Variants in PAPPA2 observed in about 807,000 individuals in gnomAD.
PAPPA2 encodes pappalysin 2.
A neutral mutation model predicts 176.4 loss-of-function variants in PAPPA2; 86 were observed. The ratio of observed to expected loss-of-function variants is 0.49; its 90% CI spans 0.41 to 0.58. The LOEUF is 0.58. Ranked by LOEUF, PAPPA2 falls within the 20% of genes least tolerant of loss-of-function variation. The pLI, the probability that PAPPA2 is intolerant of heterozygous loss-of-function variation, is 0.00. For synonymous variants in PAPPA2, 809 were observed against 852.2 expected (o/e 0.95, Z 0.88); for missense variants, 2,073 against 2,256.9 (o/e 0.92, Z 1.65).
chr1:176,740,174 G>A lies in PAPPA2; in HGVS notation c.4129G>A (p.Gly1377Arg), dbSNP rs868681972. 6.2e-7 allele frequency: 1 copy of A among 1,613,644 alleles called. No homozygotes were observed. Among genetic ancestry groups the A allele is most frequent in the Non-Finnish European group, 8.5e-7 (1 of 1,179,796 alleles). The change falls in exon 14 of 23, where the codon GGG becomes AGG. Residue 1377 changes from glycine to arginine, a missense_variant. Physicochemically the swap from Gly to Arg is moderately radical, Grantham distance 125. Transcript: ENST00000367662. Reference protein sequence around the residue: ...APSNCISEDEGQNHQGQSCIH... With the variant: ...APSNCISEDERQNHQGQSCIH... ...CAGTAACTGCATCTCAGAGGACGAG[G>A]GGCAGAATCATCAGGGACAGAGGTA... is the stretch of plus-strand genomic sequence containing the variant.
chr1:176,707,067 T>A (rs188997360), intron 10 of PAPPA2, among the ~76,000 whole-genome samples: 162 of 152,290 alleles, frequency 1.1e-3, no homozygotes, highest in African/African-American at 3.7e-3. Flanking sequence ...TCTACAACAC[T>A]TTTCCAATTC....
intron 3 of PAPPA2, among the ~76,000 whole-genome samples, chr1:176,623,754 C>CCTTCCTTCCTTCCTTTCTTT (rs1655818323): frequency 2.4e-5 from 1 of 40,976 alleles, no homozygotes; most frequent in Admixed American, 2.4e-4. Flanking sequence ...CTCTTTCCTT[C>CCTTCCTTCCTTCCTTTCTTT]CTTCCTTTCT....
chr1:176,567,504 T>C (rs74127205), intron 2 of PAPPA2, among the ~76,000 whole-genome samples: 3,503 of 152,300 alleles, frequency 0.023, 155 homozygotes, highest in African/African-American at 0.078. Context: ...ATAATTGCTC[T>C]ACATTCTGGG....
At chr1:176,607,733 A>G (rs1573117990) in intron 3 of PAPPA2, among the ~76,000 whole-genome samples, 1 of 152,226 alleles carries the variant, frequency 6.6e-6, no homozygotes, top group South Asian at 2.1e-4. Flanking sequence ...GCATTTGAAT[A>G]GCTGTTTTTT....
At chr1:176,794,820 T>C (rs1453353297) in intron 20 of PAPPA2, among the ~76,000 whole-genome samples, 1 of 152,188 alleles carries the variant, frequency 6.6e-6, no homozygotes, top group Non-Finnish European at 1.5e-5. Flanking sequence ...AGTTTTCAGA[T>C]GGACTTTCTA....
intron 2 of PAPPA2, among the ~76,000 whole-genome samples, chr1:176,564,787 A>G (rs185993624): frequency 1.1e-3 from 163 of 148,922 alleles, no homozygotes; most frequent in African/African-American, 3.9e-3. Context: ...TCACGTGTTT[A>G]AAGTGTACAA....
At chr1:176,704,975 G>A (rs541290038) in intron 9 of PAPPA2, among the ~76,000 whole-genome samples, 87 of 152,136 alleles carry the variant, frequency 5.7e-4, no homozygotes, top group African/African-American at 2.0e-3. Flanking sequence ...GGGCCGCATG[G>A]CACAAGATGA....
chr1:176,535,454 T>C (rs963184873), intron 1 of PAPPA2, among the ~76,000 whole-genome samples: 3 of 152,212 alleles, frequency 2.0e-5, no homozygotes, highest in Non-Finnish European at 4.4e-5. Context: ...TACAGATAAC[T>C]AACTGTACTG....
intron 7 of PAPPA2, 106 bp downstream of exon 7, chr1:176,695,965 TA>T: frequency 8.9e-6 from 11 of 1,232,016 alleles, no homozygotes; most frequent in East Asian, 2.4e-5. Context: ...AATGTATGTG[TA>T]TGTGTGTGTG....
chr1:176,536,258 T>A (rs1401287254), intron 1 of PAPPA2, among the ~76,000 whole-genome samples: 1 of 152,234 alleles, frequency 6.6e-6, no homozygotes, highest in Non-Finnish European at 1.5e-5. Context: ...TATTTTGCCC[T>A]GGACTGCTAG....
Position 176,555,973 on chromosome 1 carries a change from G to T in PAPPA2, c.-350G>T, listed in dbSNP as rs7518682. 4 of 233,956 alleles carry T rather than the reference G, an allele frequency of 1.7e-5. No individual in the cohort carries two copies. Among genetic ancestry groups the T allele is most frequent in the African/African-American group, 9.2e-5 (4 of 43,660 alleles). 14.5% of individuals were successfully genotyped at this position (233,956 alleles called of 1,614,324 possible). ...GGAGGGATTACTGAAGAAGAAGGGG[G>T]GAAAAAAAAAGAAAGAAATCTGAGC... On this transcript the variant is annotated 5_prime_UTR_variant, in exon 2 of 23. Transcript: ENST00000367662.
At chr1:176,824,432 C>T (rs1001446501) in intron 21 of PAPPA2, among the ~76,000 whole-genome samples, 2 of 152,160 alleles carry the variant, frequency 1.3e-5, no homozygotes, top group African/African-American at 2.4e-5. Flanking sequence ...TCATTTTATT[C>T]TCTTCTTTGG....
chr1:176,748,001 G>A (rs182933742), intron 14 of PAPPA2, among the ~76,000 whole-genome samples: 4 of 152,310 alleles, frequency 2.6e-5, no homozygotes, highest in Admixed American at 2.6e-4. Context: ...AAGACAAAGA[G>A]TCTCTCAGCA....
intron 12 of PAPPA2, among the ~76,000 whole-genome samples, chr1:176,712,553 G>A (rs1661192832): frequency 6.6e-6 from 1 of 152,174 alleles, no homozygotes; most frequent in South Asian, 2.1e-4. Flanking sequence ...GCATTGCAAT[G>A]TATGAATACA....
chr1:176,798,944 A>G (rs1437283537), intron 20 of PAPPA2, among the ~76,000 whole-genome samples: 1 of 152,182 alleles, frequency 6.6e-6, no homozygotes, highest in Non-Finnish European at 1.5e-5. Flanking sequence ...GCAGATCCCC[A>G]TTCTCCTACC....
intron 14 of PAPPA2, among the ~76,000 whole-genome samples, chr1:176,760,133 C>T (rs145159731): frequency 6.6e-5 from 10 of 152,270 alleles, no homozygotes; most frequent in Middle Eastern, 6.8e-3. Flanking sequence ...ATTCTATTTT[C>T]ATTAAAGTCA....
chr1:176,480,034 C>G (rs141425414), intron 1 of PAPPA2, among the ~76,000 whole-genome samples: 1 of 152,254 alleles, frequency 6.6e-6, no homozygotes, highest in Non-Finnish European at 1.5e-5. Flanking sequence ...AGTGGCATTT[C>G]CAGCTGCCTG....
intron 3 of PAPPA2, among the ~76,000 whole-genome samples, chr1:176,656,896 A>G (rs1395348194): frequency 6.6e-6 from 1 of 151,826 alleles, no homozygotes; most frequent in African/African-American, 2.4e-5. Flanking sequence ...CTGGTCTTAT[A>G]AGAACATTGG....
At chr1:176,532,590 C>T (rs866035918) in intron 1 of PAPPA2, among the ~76,000 whole-genome samples, 1 of 152,184 alleles carries the variant, frequency 6.6e-6, no homozygotes, top group Middle Eastern at 3.2e-3. Context: ...TACGTGTATA[C>T]CCTTCCTGGG....
Sources: allele counts gnomAD v4.1 joint callset (sites outside exome capture counted in the v4.1 genomes callset), GRCh38; gene constraint gnomAD v4.1.1; transcripts MANE v1.5; gene names NCBI Gene and HGNC (gene_info 2026-07-23, HGNC 2026-07-21).